Variants in EYS observed in about 807,000 individuals in gnomAD.
EYS encodes the protein EGF-like photoreceptor maintenance factor.
Under a neutral mutation model 282.1 loss-of-function variants are expected in EYS, and 250 were observed. The observed-to-expected ratio is 0.89, with a 90% CI of 0.80 to 0.98. The LOEUF (loss-of-function observed/expected upper bound fraction) is 0.98, where lower values mean the gene tolerates loss of function less well. Among genes scored for constraint, EYS ranks in the 50% least tolerant of loss-of-function variants. The pLI is 0.00. For synonymous variants in EYS, 1,355 were observed against 1,282.9 expected (o/e 1.06, Z -1.20); for missense variants, 4,016 against 3,709.0 (o/e 1.08, Z -2.15).
At chr6:64,451,008 G>C (rs904005573) in intron 26 of EYS, among the ~76,000 whole-genome samples, 1 of 151,818 alleles carries the variant, frequency 6.6e-6, no homozygotes, top group African/African-American at 2.4e-5. Flanking sequence ...AACTAAGATC[G>C]AGCAGAACTG....
intron 2 of EYS, among the ~76,000 whole-genome samples, chr6:65,513,618 A>G (rs1766990505): frequency 6.6e-6 from 1 of 152,236 alleles, no homozygotes; most frequent in East Asian, 1.9e-4. Context: ...CATCCCTGGG[A>G]TGCAAGGCTG....
intron 35 of EYS, among the ~76,000 whole-genome samples, chr6:63,962,398 C>T (rs564863336): frequency 2.0e-5 from 3 of 152,064 alleles, no homozygotes; most frequent in South Asian, 2.1e-4. Context: ...ACAAAGAACT[C>T]AAACAAATTT....
chr6:65,281,057 G>T (rs1412443392), intron 12 of EYS, among the ~76,000 whole-genome samples: 1 of 135,228 alleles, frequency 7.4e-6, no homozygotes, highest in Non-Finnish European at 1.6e-5. Context: ...AAAAAGAAAA[G>T]AAAAGAAATA....
chr6:65,415,986 G>T (rs1007338860), intron 5 of EYS, among the ~76,000 whole-genome samples: 3 of 151,866 alleles, frequency 2.0e-5, no homozygotes, highest in Non-Finnish European at 4.4e-5. Flanking sequence ...TTTTGCAGGG[G>T]GTTACAACGC....
chr6:64,311,195 C>A (rs1466800892), intron 29 of EYS, among the ~76,000 whole-genome samples: 1 of 151,922 alleles, frequency 6.6e-6, no homozygotes, highest in Admixed American at 6.6e-5. Flanking sequence ...GTTGGGAAAC[C>A]TTTTTTCCTT....
intron 1 of EYS, among the ~76,000 whole-genome samples, chr6:65,648,656 G>A (rs1437078584): frequency 6.6e-6 from 1 of 151,262 alleles, no homozygotes; most frequent in Non-Finnish European, 1.5e-5. Flanking sequence ...CACCATTAGA[G>A]TACTTATTCA....
intron 29 of EYS, among the ~76,000 whole-genome samples, chr6:64,344,994 T>G (rs147687755): frequency 0.031 from 4,760 of 151,702 alleles, 231 homozygotes; most frequent in African/African-American, 0.11. Flanking sequence ...ACTTACAAGG[T>G]ATGTGAAGGA....
chr6:64,373,130 G>A (rs1044226772), intron 29 of EYS, among the ~76,000 whole-genome samples: 3 of 152,214 alleles, frequency 2.0e-5, no homozygotes, highest in African/African-American at 7.2e-5. Context: ...GAGGTAAGAA[G>A]ACACTCTGGC....
At chr6:64,488,582 A>C (rs946619115) in intron 26 of EYS, among the ~76,000 whole-genome samples, 1 of 151,116 alleles carries the variant, frequency 6.6e-6, no homozygotes, top group Non-Finnish European at 1.5e-5. Flanking sequence ...ATTATTTCAA[A>C]ACAAAGTCTG....
intron 1 of EYS, among the ~76,000 whole-genome samples, chr6:65,703,620 A>T (rs1769763486): frequency 6.6e-6 from 1 of 151,458 alleles, no homozygotes; most frequent in South Asian, 2.1e-4. Context: ...AAAAATATTA[A>T]AATTATCTAT....
At chr6:65,301,464 T>A (rs1326180874) in intron 11 of EYS, among the ~76,000 whole-genome samples, 1 of 152,198 alleles carries the variant, frequency 6.6e-6, no homozygotes, top group Non-Finnish European at 1.5e-5. Context: ...GGGCGCCATC[T>A]TTGACGCTGG....
intron 12 of EYS, among the ~76,000 whole-genome samples, chr6:65,241,200 A>G (rs920068036): frequency 3.3e-5 from 5 of 152,158 alleles, no homozygotes; most frequent in Non-Finnish European, 5.9e-5. Flanking sequence ...TTAAAATAAT[A>G]TGTTAAAAGT....
At position 64,500,516 on chromosome 6, in the gene EYS, T is replaced by C. The variant is rs143690013; in HGVS notation, c.5645-61164A>G. ...AAATCACACATTCAAACAATGTGCA[T>C]TTCTGAGAAAAAAAAATTGTGTAGG... On this transcript the variant is annotated intron_variant, in intron 26 of 42. Coordinates refer to ENST00000503581, the MANE Select transcript of EYS (RefSeq NM_001142800.2). Among the ~76,000 whole-genome samples the C allele has an allele frequency of 2.0e-5, 3 of 152,232 alleles. No homozygotes were observed. The East Asian group carries it at 5.8e-4, about 29-fold the overall frequency.
At chr6:64,091,727 T>C (rs1772368168) in intron 31 of EYS, among the ~76,000 whole-genome samples, 1 of 152,144 alleles carries the variant, frequency 6.6e-6, no homozygotes, top group Admixed American at 6.6e-5. Flanking sequence ...TATATCACTT[T>C]AATACAGCTT....
At chr6:64,358,815 A>C (rs1257420137) in intron 29 of EYS, among the ~76,000 whole-genome samples, 1 of 151,728 alleles carries the variant, frequency 6.6e-6, no homozygotes, top group Admixed American at 6.6e-5. Context: ...TAGGATAGAC[A>C]GCAGCATTTG....
intron 14 of EYS, among the ~76,000 whole-genome samples, chr6:64,956,470 C>A (rs758709768): frequency 1.2e-4 from 18 of 152,136 alleles, no homozygotes; most frequent in Non-Finnish European, 2.2e-4. Flanking sequence ...AAATCTAAGA[C>A]CTCAGACTAT....
chr6:65,257,851 G>T (rs1033941613), intron 12 of EYS, among the ~76,000 whole-genome samples: 3 of 151,844 alleles, frequency 2.0e-5, no homozygotes, highest in African/African-American at 4.8e-5. Flanking sequence ...GGCTGGAAAG[G>T]GTTGCAGGGA....
At chr6:65,091,041 A>T (rs1561961044) in intron 12 of EYS, among the ~76,000 whole-genome samples, 1 of 152,082 alleles carries the variant, frequency 6.6e-6, no homozygotes, top group African/African-American at 2.4e-5. Flanking sequence ...ACATGATTAA[A>T]CATGCATTTT....
chr6:65,346,491 C>A (rs956322745), intron 9 of EYS, among the ~76,000 whole-genome samples: 5 of 139,198 alleles, frequency 3.6e-5, no homozygotes, highest in Admixed American at 2.2e-4. Context: ...TATAGTAAAA[C>A]AAATTAAAAA....
Sources: allele counts gnomAD v4.1 joint callset (sites outside exome capture counted in the v4.1 genomes callset), GRCh38; gene constraint gnomAD v4.1.1; transcripts MANE v1.5; gene names NCBI Gene and HGNC (gene_info 2026-07-23, HGNC 2026-07-21).